The following NCOR1 variants were observed in gnomAD, a reference collection of about 807,000 sequenced individuals.
NCOR1 encodes the protein nuclear receptor corepressor 1.
Under a neutral mutation model 288.1 loss-of-function variants are expected in NCOR1, and 63 were observed. The ratio of observed to expected loss-of-function variants is 0.22; its 90% CI spans 0.18 to 0.27. The LOEUF is 0.27. Ranked by LOEUF, NCOR1 falls within the 10% of genes least tolerant of loss-of-function variation. NCOR1 has a pLI of 1.00. For synonymous variants in NCOR1, 1,007 were observed against 1,065.9 expected (o/e 0.94, Z 1.08); for missense variants, 2,397 against 3,019.2 (o/e 0.79, Z 4.83).
At chr17:16,087,259 C>T in intron 22 of NCOR1, 1 of 1,304,252 alleles carries the variant, frequency 7.7e-7, no homozygotes, top group Non-Finnish European at 1.0e-6. Context: ...CACGGTGAGG[C>T]TGACCTTGCT....
At position 16,039,519 on chromosome 17, in the gene NCOR1, A is replaced by G; in HGVS notation, c.6869T>C (p.Met2290Thr). The G allele has an allele frequency of 6.2e-7, 1 of 1,614,126 alleles. No individual in the cohort carries two copies. Among genetic ancestry groups the G allele is most frequent in the Non-Finnish European group, 8.5e-7 (1 of 1,180,034 alleles). ...GTTGGCAGTACCAGGCACTACTCCCATAGGCTGGGACATGACAACTCCATG... is the reference window on the plus strand; with the variant it reads ...GTTGGCAGTACCAGGCACTACTCCCGTAGGCTGGGACATGACAACTCCATG... ...EDHGVVMSQP[M>T]GVVPGTANTS... The change falls in exon 44 of 46, where the codon ATG (methionine) becomes ACG (threonine). Residue 2290 changes from methionine (M) to threonine (T), a missense_variant. By Grantham distance (81) the Met-to-Thr change is moderately conservative (BLOSUM62 -1). Coordinates refer to ENST00000268712, the MANE Select transcript of NCOR1 (RefSeq NM_006311.4).
At chr17:16,111,930 C>T (rs531730494) in intron 18 of NCOR1, among the ~76,000 whole-genome samples, 2 of 152,208 alleles carry the variant, frequency 1.3e-5, no homozygotes, top group African/African-American at 4.8e-5. Context: ...AGTGCAGTGG[C>T]GCCATCTCGG....
intron 15 of NCOR1, among the ~76,000 whole-genome samples, chr17:16,121,802 C>T (rs1199612514): frequency 6.6e-6 from 1 of 152,094 alleles, no homozygotes; most frequent in Non-Finnish European, 1.5e-5. Flanking sequence ...ATGTCTGATA[C>T]TAATTATGTA....
At chr17:16,075,269 A>C (rs996152518) in intron 27 of NCOR1, among the ~76,000 whole-genome samples, 1 of 152,232 alleles carries the variant, frequency 6.6e-6, no homozygotes, top group African/African-American at 2.4e-5. Context: ...TACCTAAGCT[A>C]AACTGACTGA....
At chr17:16,121,847 G>A (rs1016886813) in intron 15 of NCOR1, among the ~76,000 whole-genome samples, 1 of 152,098 alleles carries the variant, frequency 6.6e-6, no homozygotes, top group Non-Finnish European at 1.5e-5. Flanking sequence ...CTTAGGAAAC[G>A]GCCTCTGGAG....
At chr17:16,126,010 C>T (rs1230109492) in intron 15 of NCOR1, 72 bp downstream of exon 15, 9 of 805,192 alleles carry the variant, frequency 1.1e-5, no homozygotes, top group South Asian at 7.8e-5. Flanking sequence ...ACTGTACTCC[C>T]TATATCTACA....
At chr17:16,081,669 C>G (rs548968776) in intron 23 of NCOR1, among the ~76,000 whole-genome samples, 3 of 152,222 alleles carry the variant, frequency 2.0e-5, no homozygotes, top group African/African-American at 7.2e-5. Context: ...TTTATTTGAC[C>G]TGACTGGAGT....
intron 44 of NCOR1, among the ~76,000 whole-genome samples, 181 bp from the exon 45 acceptor site, chr17:16,035,125 A>C (rs1244466006): frequency 1.3e-5 from 2 of 152,228 alleles, no homozygotes; most frequent in African/African-American, 4.8e-5. Flanking sequence ...GGGTTTAGTA[A>C]GTCACAATTA....
Position 16,063,191 on chromosome 17 carries a change from A to T in NCOR1, c.5221+877T>A, listed in dbSNP as rs1471392368. 3.3e-5 allele frequency among the ~76,000 whole-genome samples: 5 copies of T among 152,110 alleles called. No homozygotes were observed. In the East Asian group the frequency reaches 5.8e-4, roughly 18 times the overall value. On this transcript the variant is annotated intron_variant, in intron 35 of 45. Transcript: ENST00000268712. ...TTTATTTTTTTAATTAAATTAAAAAATTTTTAAGAGACAGCATCACACTCT... is the reference window on the plus strand; with the variant it reads ...TTTATTTTTTTAATTAAATTAAAAATTTTTTAAGAGACAGCATCACACTCT...
chr17:16,102,214 T>C (rs775621838), intron 19 of NCOR1, among the ~76,000 whole-genome samples: 71 of 152,204 alleles, frequency 4.7e-4, no homozygotes, highest in Non-Finnish European at 8.8e-4. Flanking sequence ...ACATCTGTAA[T>C]TTTAATTTTT....
At chr17:16,199,388 C>T (rs1307128403) in intron 1 of NCOR1, among the ~76,000 whole-genome samples, 1 of 152,068 alleles carries the variant, frequency 6.6e-6, no homozygotes, top group Non-Finnish European at 1.5e-5. Flanking sequence ...GGCAACAGTG[C>T]TCAGATTTTG....
chr17:16,161,752 T>C (rs1376776339), intron 5 of NCOR1, among the ~76,000 whole-genome samples: 18 of 152,364 alleles, frequency 1.2e-4, no homozygotes, highest in Admixed American at 1.2e-3. Context: ...CATATTTCTT[T>C]GTTTTCTCTA....
chr17:16,032,301 C>T lies in NCOR1; in HGVS notation c.7318G>A (p.Asp2440Asn). 3 of 1,611,460 alleles carry T rather than the reference C, an allele frequency of 1.9e-6. No individual in the cohort carries two copies. The highest frequency in any genetic ancestry group is 2.5e-6 in the Non-Finnish European group (3 of 1,179,142). ...TTCCCCTCACTTTGTGCAGTTCAGTCATCACTATCCGACAGGGTCTCGTAC... is the reference window on the plus strand; with the variant it reads ...TTCCCCTCACTTTGTGCAGTTCAGTTATCACTATCCGACAGGGTCTCGTAC... ...AQYETLSDSD[D>N] The change falls in exon 46 of 46, where the codon GAC (aspartate) becomes AAC (asparagine). Residue 2440 changes from aspartate (D) to asparagine (N), a missense_variant. By Grantham distance (23) the Asp-to-Asn change is conservative. Transcript: ENST00000268712.
At position 16,057,981 on chromosome 17, in the gene NCOR1, G is replaced by C. The variant is rs1362616530; in HGVS notation, c.6094C>G (p.Pro2032Ala). ...CCCATTCCCTCTGCCTGTGAAGAAG[G>C]GGGCAGCTGTTGTTGGGGAGATGGT... ...ESPSPQQQLPPSSQAEGMGQV... is the reference protein window; with the variant it reads ...ESPSPQQQLPASSQAEGMGQV... The change falls in exon 39 of 46, where the codon CCT (proline) becomes GCT (alanine). Residue 2032 changes from proline to alanine, a missense_variant. This residue lies in a region of NCOR1 where 1,872 missense variants were observed against 2,187.8 expected (regional missense o/e 0.86). Coordinates refer to ENST00000268712, the MANE Select transcript of NCOR1 (RefSeq NM_006311.4). 9 of 1,614,172 alleles carry C rather than the reference G, an allele frequency of 5.6e-6. No homozygotes were observed. The highest frequency in any genetic ancestry group is 2.2e-5 in the East Asian group (1 of 44,886).
In NCOR1 at chr17:16,064,149, T is replaced by G; in HGVS notation, c.5140A>C (p.Arg1714=). 1 of 1,614,092 alleles carries G rather than the reference T, an allele frequency of 6.2e-7. No homozygotes were observed. The highest frequency in any genetic ancestry group is 8.5e-7 in the Non-Finnish European group (1 of 1,179,982). ...TTCTCCCGCTCCCGTTCCCGTTCCC[T>G]CTCAGCACTTGCAGCAGCTGCAAGG... ...THLAAAASAE[R]EREREREKER... Residue 1714 remains arginine, a synonymous_variant, in exon 35 of 46, where the codon AGG becomes CGG. Coordinates refer to ENST00000268712, the MANE Select transcript of NCOR1 (RefSeq NM_006311.4).
At chr17:16,147,514 G>A (rs1323422160) in intron 9 of NCOR1, among the ~76,000 whole-genome samples, 2 of 152,148 alleles carry the variant, frequency 1.3e-5, no homozygotes, top group East Asian at 3.8e-4. Context: ...AAAGACAGAC[G>A]AACCCTCCAT....
At chr17:16,215,092 C>A (rs2092440307) in intron 1 of NCOR1, among the ~76,000 whole-genome samples, 1 of 152,208 alleles carries the variant, frequency 6.6e-6, no homozygotes, top group Non-Finnish European at 1.5e-5. Context: ...CACCTCGGGG[C>A]CAGCCCCGGC....
intron 1 of NCOR1, among the ~76,000 whole-genome samples, chr17:16,206,227 T>C (rs2091483550): frequency 6.6e-6 from 1 of 151,668 alleles, no homozygotes; most frequent in East Asian, 1.9e-4. Context: ...CTTCTAGGAA[T>C]CTATCCTACA....
chr17:16,032,550 T>C lies in NCOR1; in HGVS notation c.7136-67A>G, dbSNP rs1305192921. 7.7e-6 allele frequency: 11 copies of C among 1,423,212 alleles called. No homozygotes were observed. The African/African-American group carries it at 1.2e-4, about 15-fold the overall frequency. The allele number at this position is 1,423,212 out of a possible 1,614,324, so 88.2% of individuals were successfully genotyped here. A position where few individuals can be genotyped will look rare whatever the true frequency, so the allele number is the denominator to read the frequency against. Reference sequence around the variant, plus strand: ...CTGGTATTTCATCCAATCCAACTTTTGTAGGATGGAGTAGAATAGGATTAT... The same window carrying C: ...CTGGTATTTCATCCAATCCAACTTTCGTAGGATGGAGTAGAATAGGATTAT... On this transcript the variant is annotated intron_variant, in intron 45 of 45. Coordinates refer to ENST00000268712, the MANE Select transcript of NCOR1 (RefSeq NM_006311.4).
Sources: gnomAD v4.1 joint callset for allele counts (sites outside exome capture counted in the v4.1 genomes callset) on GRCh38, gnomAD v4.1.1 for gene constraint, gnomAD v4.1.1 regional missense constraint, MANE v1.5 for transcripts, NCBI Gene and HGNC (gene_info 2026-07-23, HGNC 2026-07-21) for gene names.